TMEM245: variants seen among roughly 807,000 people sequenced by gnomAD.
TMEM245 encodes the protein protein CG-2.
Under a neutral mutation model 101.2 loss-of-function variants are expected in TMEM245, and 69 were observed. The ratio of observed to expected loss-of-function variants is 0.68; its 90% CI spans 0.56 to 0.83. The LOEUF is 0.83. Ranked by LOEUF, TMEM245 falls within the 40% of genes least tolerant of loss-of-function variation. TMEM245 has a pLI of 0.00. For missense variants in TMEM245, 1,075 were observed against 1,092.8 expected (o/e 0.98, Z 0.23); for synonymous variants, 537 against 449.8 (o/e 1.19, Z -2.45).
rs1588009899 is a variant in TMEM245, at chr9:109,019,704, A to G, written c.*756T>C. 1 of 152,648 alleles carries G rather than the reference A, an allele frequency of 6.6e-6. No homozygotes were observed. The highest frequency in any genetic ancestry group is 2.4e-5 in the African/African-American group (1 of 41,472). 9.5% of individuals were successfully genotyped at this position (152,648 alleles called of 1,614,324 possible). A position where few individuals can be genotyped will look rare whatever the true frequency, so the allele number is the denominator to read the frequency against. On this transcript the variant is annotated 3_prime_UTR_variant, in exon 18 of 18. Coordinates refer to ENST00000374586, the MANE Select transcript of TMEM245 (RefSeq NM_032012.4). ...CAACCACCTGGAAGGAGAAAACCTA[A>G]TAACAGCATGAATTTTATCATACTG...
At chr9:109,062,385 C>A (rs1829042731) in intron 10 of TMEM245, among the ~76,000 whole-genome samples, 1 of 152,156 alleles carries the variant, frequency 6.6e-6, no homozygotes, top group African/African-American at 2.4e-5. Flanking sequence ...TCTAAAATTA[C>A]ATAAATGACC....
chr9:109,038,028 A>G lies in TMEM245; in HGVS notation c.2213T>C (p.Phe738Ser). The G allele has an allele frequency of 1.9e-6, 3 of 1,611,140 alleles. No individual in the cohort carries two copies. The highest frequency in any genetic ancestry group is 1.7e-6 in the Non-Finnish European group (2 of 1,178,664). ...THTMFGINIVFIPSALAAILG... is the reference protein window; with the variant it reads ...THTMFGINIVSIPSALAAILG... Reference sequence around the variant, plus strand: ...AATATGGTTGTTACCTGATGGTATGAAGACAATATTGATGCCAAACATAGT... The same window carrying G: ...AATATGGTTGTTACCTGATGGTATGGAGACAATATTGATGCCAAACATAGT... The change falls in exon 15 of 18, where the codon TTC becomes TCC. Residue 738 changes from phenylalanine (F) to serine (S), a missense_variant. Phe to Ser is a radical substitution (Grantham distance 155). Coordinates refer to ENST00000374586, the MANE Select transcript of TMEM245 (RefSeq NM_032012.4).
At chr9:109,091,900 T>C (rs150910561) in intron 4 of TMEM245, among the ~76,000 whole-genome samples, 1,530 of 152,314 alleles carry the variant, frequency 0.01, 11 homozygotes, top group Non-Finnish European at 0.013. Context: ...ATGAAAATTA[T>C]TAAGATCCTA....
chr9:109,064,675 T>C, intron 9 of TMEM245, 108 bp from the exon 10 acceptor site: 1 of 847,212 alleles, frequency 1.2e-6, no homozygotes, highest in Non-Finnish European at 1.9e-6. Context: ...CTGTTGATCA[T>C]TCACCAATAC....
rs1015034919 is a variant in TMEM245, at chr9:109,016,751, C to T, written c.*3709G>A. 3 of 136,114 alleles carry T rather than the reference C, an allele frequency of 2.2e-5. No homozygotes were observed. Among genetic ancestry groups the T allele is most frequent in the Non-Finnish European group, 4.7e-5 (3 of 64,456 alleles). 8.4% of individuals were successfully genotyped at this position (136,114 alleles called of 1,614,324 possible). On this transcript the variant is annotated 3_prime_UTR_variant, in exon 18 of 18. Coordinates refer to ENST00000374586, the MANE Select transcript of TMEM245 (RefSeq NM_032012.4). The stretch of plus-strand genomic sequence containing the variant: ...TGGCAGAATGTTGAAAGACAAGAAA[C>T]TAATAAAAAGTACTTGTTTTTAGCT...
At chr9:109,034,856 G>A (rs1010809552) in intron 16 of TMEM245, among the ~76,000 whole-genome samples, 2 of 151,904 alleles carry the variant, frequency 1.3e-5, no homozygotes, top group Admixed American at 1.3e-4. Flanking sequence ...CAATAACAAC[G>A]TTTAAAGACA....
chr9:109,105,201 T>C (rs1380640162), intron 3 of TMEM245, among the ~76,000 whole-genome samples: 1 of 152,102 alleles, frequency 6.6e-6, no homozygotes, highest in Non-Finnish European at 1.5e-5. Context: ...AGAATTTGAA[T>C]AGACATTTCT....
chr9:109,032,064 C>T (rs752115319), intron 17 of TMEM245, among the ~76,000 whole-genome samples: 18 of 152,316 alleles, frequency 1.2e-4, no homozygotes, highest in Non-Finnish European at 2.2e-4. Context: ...CACTTCCTCT[C>T]TCCCTCTCCC....
intron 12 of TMEM245, among the ~76,000 whole-genome samples, chr9:109,055,526 T>C (rs1292410213): frequency 6.6e-6 from 1 of 152,208 alleles, no homozygotes; most frequent in Non-Finnish European, 1.5e-5. Flanking sequence ...TTTAAATATT[T>C]TATTAGTAAT....
intron 12 of TMEM245, among the ~76,000 whole-genome samples, chr9:109,054,322 GTGCTTCTCTTAATTAGT>G (rs375487466): frequency 3.9e-4 from 59 of 152,264 alleles, no homozygotes; most frequent in Middle Eastern, 3.4e-3. Context: ...ACAGCCTAAT[GTGCTTCTCTTAATTAGT>G]TTAATTGAGG....
intron 3 of TMEM245, among the ~76,000 whole-genome samples, chr9:109,104,287 C>T (rs577740280): frequency 2.0e-5 from 3 of 152,172 alleles, no homozygotes; most frequent in African/African-American, 7.2e-5. Context: ...TGTGTCAAAA[C>T]ATTCCATGTA....
intron 3 of TMEM245, among the ~76,000 whole-genome samples, chr9:109,096,091 G>A (rs1193446679): frequency 1.3e-5 from 2 of 152,210 alleles, no homozygotes; most frequent in African/African-American, 2.4e-5. Context: ...AAGGTATCCC[G>A]GTTTCCAGAC....
At chr9:109,055,635 TTC>T (rs1828809682) in intron 12 of TMEM245, among the ~76,000 whole-genome samples, 1 of 147,660 alleles carries the variant, frequency 6.8e-6, no homozygotes, top group South Asian at 2.1e-4. Context: ...GTTTCTTTTT[TTC>T]TTTTTTTTTT....
At chr9:109,088,422 T>A (rs556793246) in intron 5 of TMEM245, among the ~76,000 whole-genome samples, 6 of 152,272 alleles carry the variant, frequency 3.9e-5, no homozygotes, top group African/African-American at 1.2e-4. Context: ...ACTAGAAGGT[T>A]AAGCTATAAC....
intron 3 of TMEM245, among the ~76,000 whole-genome samples, chr9:109,097,339 C>A (rs754129218): frequency 3.6e-4 from 55 of 152,158 alleles, no homozygotes; most frequent in Non-Finnish European, 7.1e-4. Flanking sequence ...TTCAATAAGA[C>A]CGGAAGATAG....
intron 9 of TMEM245, among the ~76,000 whole-genome samples, chr9:109,069,395 A>C (rs1420710793): frequency 2.0e-5 from 3 of 152,126 alleles, no homozygotes; most frequent in Non-Finnish European, 4.4e-5. Context: ...ACTTGCCTAG[A>C]TCCCAGGTGG....
In TMEM245 at chr9:109,083,173, A is replaced by G. The variant is rs530449931; in HGVS notation, c.1345-2230T>C. Among the ~76,000 whole-genome samples, 140 of 152,310 alleles carry G rather than the reference A, an allele frequency of 9.2e-4. 3 individuals carry two copies. In the South Asian group the frequency reaches 0.026, roughly 28 times the overall value. ...AACTAAGGACGAAAAGAGGAAAAAA[A>G]GTGAAGAGGATAAAAAACTTAGATG... On this transcript the variant is annotated intron_variant, in intron 7 of 17. Transcript: ENST00000374586.
rs1384484304 is a variant in TMEM245 at position 109,015,537 on chromosome 9, TA to T, written c.*4922del. On this transcript the variant is annotated 3_prime_UTR_variant, in exon 18 of 18. Transcript: ENST00000374586. Reference sequence around the variant, plus strand: ...ATAAAAAATAAATGATATTTGATAATAAGCCAAAATTATCAGGATTTGCTTC... The same window carrying T: ...ATAAAAAATAAATGATATTTGATAATAGCCAAAATTATCAGGATTTGCTTC... The T allele has an allele frequency of 6.6e-6, 1 of 152,616 alleles. No individual in the cohort carries two copies. The highest frequency in any genetic ancestry group is 2.4e-5 in the African/African-American group (1 of 41,456). 9.5% of individuals were successfully genotyped at this position (152,616 alleles called of 1,614,324 possible).
intron 5 of TMEM245, among the ~76,000 whole-genome samples, chr9:109,089,776 A>C (rs764400634): frequency 2.6e-5 from 4 of 152,242 alleles, no homozygotes; most frequent in Non-Finnish European, 5.9e-5. Context: ...TAAGATACAA[A>C]GACCTGATTT....
Sources: gnomAD v4.1 joint callset for allele counts (sites outside exome capture counted in the v4.1 genomes callset) on GRCh38, gnomAD v4.1.1 for gene constraint, MANE v1.5 for transcripts, NCBI Gene and HGNC (gene_info 2026-07-23, HGNC 2026-07-21) for gene names.